ZBTB2: variants seen among roughly 807,000 people sequenced by gnomAD.
ZBTB2 encodes zinc finger and BTB domain-containing protein 2.
Under a neutral mutation model 39.5 loss-of-function variants are expected in ZBTB2, and 2 were observed. The ratio of observed to expected loss-of-function variants is 0.05; its 90% CI spans 0.02 to 0.16. ZBTB2 has a LOEUF of 0.16. ZBTB2 is among the 10% of genes least tolerant of loss of function. The pLI is 1.00. For missense variants in ZBTB2, 391 were observed against 653.0 expected (o/e 0.60, Z 4.37); for synonymous variants, 251 against 256.6 (o/e 0.98, Z 0.21).
At chr6:151,384,890 A>C (rs1308161354) in intron 1 of ZBTB2, among the ~76,000 whole-genome samples, 1 of 152,220 alleles carries the variant, frequency 6.6e-6, no homozygotes, top group Non-Finnish European at 1.5e-5. Flanking sequence ...TCTTCTGGGC[A>C]TACAGTTCAT....
At chr6:151,367,123 A>ATT (rs762359532) in intron 2 of ZBTB2, among the ~76,000 whole-genome samples, 13 of 144,550 alleles carry the variant, frequency 9.0e-5, no homozygotes, top group Non-Finnish European at 1.1e-4. Context: ...TAGTAAGTTA[A>ATT]TTTTTTTTTT....
rs963556330 is a variant in ZBTB2, at chr6:151,374,126, A to G, written c.-12-477T>C. ...CATCAGAGTTTGTCAATTCTTCCACAGAGATAGATAAATTAAGGTGTTGGG... is the reference window on the plus strand; with the variant it reads ...CATCAGAGTTTGTCAATTCTTCCACGGAGATAGATAAATTAAGGTGTTGGG... On this transcript the variant is annotated intron_variant, in intron 1 of 2. Coordinates refer to ENST00000325144, the MANE Select transcript of ZBTB2 (RefSeq NM_020861.3). Among the ~76,000 whole-genome samples the G allele has an allele frequency of 3.4e-4, 52 of 152,138 alleles. 1 individual carries two copies. Among genetic ancestry groups the G allele is most frequent in the African/African-American group, 1.2e-3 (51 of 41,392 alleles).
In ZBTB2 at chr6:151,366,055, G is replaced by A; in HGVS notation, c.1011C>T (p.Thr337=). 6.2e-7 allele frequency: 1 copy of A among 1,614,118 alleles called. No homozygotes were observed. Among genetic ancestry groups the A allele is most frequent in the Admixed American group, 1.7e-5 (1 of 60,004 alleles). The change falls in exon 3 of 3, where the codon ACC becomes ACT. Residue 337 remains threonine, a synonymous_variant. Transcript: ENST00000325144. This position sits in a 1 kb window ranked among gnomAD's most constrained non-coding sequence, Gnocchi z 7.1. ...TGTCAGCAATGTCTGAGGGGGGTGG[G>A]GTTTCCGACTGCTGCTGCCCATCGA... ...PIIDGQQQSE[T]PPPSDIADID...
chr6:151,391,339 C>G (rs1191046142), intron 1 of ZBTB2, 81 bp downstream of exon 1: 1 of 152,060 alleles, frequency 6.6e-6, no homozygotes, highest in African/African-American at 2.4e-5. Flanking sequence ...TGGCCCCCGC[C>G]CCCCCACCGC....
intron 1 of ZBTB2, among the ~76,000 whole-genome samples, chr6:151,375,757 T>TG (rs1197767214): frequency 6.6e-6 from 1 of 152,074 alleles, no homozygotes; most frequent in East Asian, 1.9e-4. Flanking sequence ...TTAGTAGAGA[T>TG]GGGGTTTCAC....
At chr6:151,375,014 G>A (rs1018114871) in intron 1 of ZBTB2, among the ~76,000 whole-genome samples, 5 of 151,320 alleles carry the variant, frequency 3.3e-5, no homozygotes, top group East Asian at 3.9e-4. Flanking sequence ...CAGCTACTCC[G>A]GAGGCTGAGG....
intron 1 of ZBTB2, among the ~76,000 whole-genome samples, chr6:151,374,930 T>TAAAAAAAAAAAAAAAA (rs71556221): frequency 1.6e-5 from 1 of 63,838 alleles, no homozygotes; most frequent in African/African-American, 5.7e-5. Context: ...CCGTCTCTAC[T>TAAAAAAAAAAAAAAAA]AAAAAAAAAA....
intron 2 of ZBTB2, among the ~76,000 whole-genome samples, chr6:151,372,099 A>G (rs1367756854): frequency 1.3e-5 from 2 of 152,210 alleles, no homozygotes; most frequent in African/African-American, 2.4e-5. Context: ...TAGGAAAAAG[A>G]CACACACCCA....
rs145468388 is a variant in ZBTB2, at chr6:151,366,763, A to G, written c.303T>C (p.Phe101=). 156 of 1,614,182 alleles carry G rather than the reference A, an allele frequency of 9.7e-5. 1 individual carries two copies. The African/African-American group carries it at 2.0e-3, about 20-fold the overall frequency. Residue 101 remains phenylalanine (F), a synonymous_variant, in exon 3 of 3, where the codon TTT becomes TTC. Coordinates refer to ENST00000325144, the MANE Select transcript of ZBTB2 (RefSeq NM_020861.3). The surrounding 1 kb of genome is among the most constrained non-coding windows in gnomAD (Gnocchi z 7.1). ...CCTGAATGAGCGGGTAGGCGTGCAG[A>G]AACTTGATGCCCTGTTCTAATCGAA... is the stretch of plus-strand genomic sequence containing the variant. ...DPVRLEQGIK[F]LHAYPLIQEA...
chr6:151,372,443 C>T (rs767918717), intron 2 of ZBTB2, among the ~76,000 whole-genome samples: 2 of 152,092 alleles, frequency 1.3e-5, no homozygotes, highest in Non-Finnish European at 2.9e-5. Flanking sequence ...AGCACCGTAA[C>T]TCAGGCAGAC....
chr6:151,391,064 C>T (rs1779294690), intron 1 of ZBTB2, among the ~76,000 whole-genome samples: 3 of 143,990 alleles, frequency 2.1e-5, no homozygotes, highest in South Asian at 2.3e-4. Context: ...CGGCTTCCGT[C>T]CCCTCCCCCT....
intron 1 of ZBTB2, among the ~76,000 whole-genome samples, chr6:151,374,153 C>A (rs182061360): frequency 1.3e-5 from 2 of 152,116 alleles, no homozygotes; most frequent in African/African-American, 4.8e-5. Context: ...GGTGTTGGGG[C>A]GGGGTCCCAG....
At chr6:151,367,741 G>C (rs1236292825) in intron 2 of ZBTB2, among the ~76,000 whole-genome samples, 1 of 152,194 alleles carries the variant, frequency 6.6e-6, no homozygotes, top group East Asian at 1.9e-4. Context: ...CGATTTGACA[G>C]ATATGGAAAC....
intron 1 of ZBTB2, among the ~76,000 whole-genome samples, 194 bp from the exon 2 acceptor site, chr6:151,373,843 TAAAAAAAAAAAAAAAAA>T (rs200070063): frequency 1.1e-4 from 5 of 45,958 alleles, no homozygotes; most frequent in Admixed American, 4.0e-4. Context: ...ATTATGCCTT[TAAAAAAAAAAAAAAAAA>T]AAAAAAAAAA....
intron 1 of ZBTB2, among the ~76,000 whole-genome samples, chr6:151,390,496 C>T (rs377142341): frequency 1.3e-5 from 2 of 150,314 alleles, no homozygotes; most frequent in South Asian, 2.1e-4. Context: ...CCGACGCCTA[C>T]GCCGTGCGCA....
At chr6:151,387,704 T>C (rs1779191351) in intron 1 of ZBTB2, among the ~76,000 whole-genome samples, 2 of 152,308 alleles carry the variant, frequency 1.3e-5, no homozygotes, top group Admixed American at 1.3e-4. Flanking sequence ...ATAAAAGTAT[T>C]TTTCAAATTC....
rs1778619609 is a variant in ZBTB2, at chr6:151,365,282, G to T, written c.*239C>A. Reference sequence around the variant, plus strand: ...TAATCTAAAACCTCTCAAAATTTGAGTTTATAAGTATAATGACCATTATCT... The same window carrying T: ...TAATCTAAAACCTCTCAAAATTTGATTTTATAAGTATAATGACCATTATCT... On this transcript the variant is annotated 3_prime_UTR_variant, in exon 3 of 3. Transcript: ENST00000325144. The surrounding 1 kb of genome is among the most constrained non-coding windows in gnomAD (Gnocchi z 5.6). The T allele has an allele frequency of 2.3e-6, 1 of 436,438 alleles. No individual in the cohort carries two copies. Among genetic ancestry groups the T allele is most frequent in the Non-Finnish European group, 4.0e-6 (1 of 247,836 alleles). The allele number at this position is 436,438 out of a possible 1,614,324, so 27.0% of individuals were successfully genotyped here. A position where few individuals can be genotyped will look rare whatever the true frequency, so the allele number is the denominator to read the frequency against.
intron 1 of ZBTB2, among the ~76,000 whole-genome samples, chr6:151,387,690 A>C (rs1214188223): frequency 6.6e-6 from 1 of 152,218 alleles, no homozygotes; most frequent in Non-Finnish European, 1.5e-5. Context: ...ACTTAGCCAG[A>C]TACATAAAAG....
In ZBTB2 at chr6:151,373,488, C is replaced by T. The variant is rs12194231; in HGVS notation, c.150G>A (p.Lys50=). The T allele has an allele frequency of 6.2e-7, 1 of 1,614,118 alleles. No individual in the cohort carries two copies. Among genetic ancestry groups the T allele is most frequent in the Non-Finnish European group, 8.5e-7 (1 of 1,180,026 alleles). The change falls in exon 2 of 3, where the codon AAG becomes AAA. Residue 50 remains lysine (K), a synonymous_variant. Transcript: ENST00000325144. ...SVLASFSNYF[K]MLFVHQTSEC... ...ACCTGGTCTGATGGACAAACAACAT[C>T]TTAAAGTAATTGGAGAATGAAGCAA...
Sources: gnomAD v4.1 joint callset for allele counts (sites outside exome capture counted in the v4.1 genomes callset) on GRCh38, gnomAD v4.1.1 for gene constraint, Gnocchi (gnomAD v3.1) non-coding constraint, MANE v1.5 for transcripts, NCBI Gene and HGNC (gene_info 2026-07-23, HGNC 2026-07-21) for gene names.